Variants in TBC1D19 observed in about 807,000 individuals in gnomAD.
TBC1D19 encodes the protein TBC1 domain family, member 19.
In TBC1D19, 60 loss-of-function variants were observed where a neutral mutation model predicts 89.0. The observed-to-expected ratio is 0.67, with a 90% confidence interval of 0.55 to 0.84. TBC1D19 has a LOEUF of 0.84. Ranked by LOEUF, TBC1D19 falls within the 40% of genes least tolerant of loss-of-function variation. The pLI, the probability that TBC1D19 is intolerant of heterozygous loss-of-function variation, is 0.00. For synonymous variants in TBC1D19, 189 were observed against 199.7 expected (o/e 0.95, Z 0.45); for missense variants, 500 against 610.8 (o/e 0.82, Z 1.91).
At chr4:26,656,634 C>G (rs1329568768) in intron 7 of TBC1D19, among the ~76,000 whole-genome samples, 1 of 151,894 alleles carries the variant, frequency 6.6e-6, no homozygotes, top group Non-Finnish European at 1.5e-5. Context: ...TCTTGGCTCA[C>G]TGTAACCTCC....
intron 17 of TBC1D19, 45 bp from the exon 18 acceptor site, chr4:26,742,463 A>T (rs1271619747): frequency 2.1e-6 from 3 of 1,439,582 alleles, no homozygotes; most frequent in Non-Finnish European, 2.8e-6. Flanking sequence ...TTAATTTTTA[A>T]ATATTAAAAT....
chr4:26,791,116 C>A, the TBC1D19 span, among the ~76,000 whole-genome samples: 2 of 152,124 alleles, frequency 1.3e-5, no homozygotes, highest in Non-Finnish European at 2.9e-5. Context: ...CACACTATCC[C>A]CAGAACAACT....
the TBC1D19 span, among the ~76,000 whole-genome samples, chr4:26,817,223 A>T: frequency 6.6e-6 from 1 of 152,160 alleles, no homozygotes; most frequent in African/African-American, 2.4e-5. Context: ...GGAATCCACA[A>T]CCAAACTGAA....
At chr4:26,757,672 T>C (rs929165772), downstream of TBC1D19, among the ~76,000 whole-genome samples, 1 of 152,226 alleles carries the variant, frequency 6.6e-6, no homozygotes, top group Non-Finnish European at 1.5e-5. Flanking sequence ...CAGCATGTGC[T>C]CTCTTCTCCT....
chr4:26,778,508 T>G, the TBC1D19 span, among the ~76,000 whole-genome samples: 1 of 151,942 alleles, frequency 6.6e-6, no homozygotes, highest in Non-Finnish European at 1.5e-5. Context: ...AAAGATTATA[T>G]AATTTATTCA....
the TBC1D19 span, among the ~76,000 whole-genome samples, chr4:26,827,463 G>C: frequency 1.3e-5 from 2 of 151,868 alleles, no homozygotes; most frequent in African/African-American, 2.4e-5. Context: ...AATTAGTCAG[G>C]CATGGTGGCA....
At chr4:26,847,978 G>A in the TBC1D19 span, among the ~76,000 whole-genome samples, 1 of 152,198 alleles carries the variant, frequency 6.6e-6, no homozygotes, top group East Asian at 1.9e-4. Flanking sequence ...TGCTAATTAT[G>A]CATCCAAGTG....
intron 1 of TBC1D19, among the ~76,000 whole-genome samples, chr4:26,578,450 G>A (rs6857426): frequency 0.051 from 7,705 of 152,094 alleles, 555 homozygotes; most frequent in African/African-American, 0.16. Flanking sequence ...GCCTTCAAGA[G>A]AACTGGAAGA....
At chr4:26,819,654 C>T in the TBC1D19 span, among the ~76,000 whole-genome samples, 1 of 152,176 alleles carries the variant, frequency 6.6e-6, no homozygotes, top group Non-Finnish European at 1.5e-5. Flanking sequence ...TCTTGTTAAC[C>T]TTGAAATCAG....
At chr4:26,608,367 G>A (rs1391033699) in intron 1 of TBC1D19, among the ~76,000 whole-genome samples, 1 of 152,004 alleles carries the variant, frequency 6.6e-6, no homozygotes, top group Non-Finnish European at 1.5e-5. Context: ...ACAAGAAAAG[G>A]CTCATTGTTC....
At chr4:26,626,221 G>T (rs1405318075) in intron 4 of TBC1D19, among the ~76,000 whole-genome samples, 2 of 152,116 alleles carry the variant, frequency 1.3e-5, no homozygotes, top group African/African-American at 4.8e-5. Context: ...AGTTCTGCAG[G>T]AAAGAAACCT....
In TBC1D19 at chr4:26,755,073, C is replaced by A; in HGVS notation, c.*126C>A. ...GCCAATAAAGATCATGTTCCCTCTT[C>A]AGTTAAACCTAAGTAGTTTCTCACT... is the stretch of plus-strand genomic sequence containing the variant. On this transcript the variant is annotated 3_prime_UTR_variant, in exon 21 of 21. Coordinates refer to ENST00000264866, the MANE Select transcript of TBC1D19 (RefSeq NM_018317.4). The A allele has an allele frequency of 1.3e-6, 1 of 755,114 alleles. No homozygotes were observed. The highest frequency in any genetic ancestry group is 2.0e-6 in the Non-Finnish European group (1 of 493,524). 46.8% of individuals were successfully genotyped at this position (755,114 alleles called of 1,614,324 possible).
Position 26,673,818 on chromosome 4 carries a change from G to C in TBC1D19, c.746G>C (p.Arg249Thr). 6.2e-7 allele frequency: 1 copy of C among 1,611,646 alleles called. No individual in the cohort carries two copies. ...QDSAAAQQYIRQGSPTALRAE... is the reference protein window; with the variant it reads ...QDSAAAQQYITQGSPTALRAE... ...AGTGCTGCTGCTCAACAGTACATCA[G>C]ACAAGGAAGTCCCACGGCACTGAGA... The change falls in exon 11 of 21, where the codon AGA (arginine) becomes ACA (threonine). Residue 249 changes from arginine (R) to threonine (T), a missense_variant. Arg to Thr is a moderately conservative substitution (Grantham distance 71). This residue lies in a region of TBC1D19 where 280 missense variants were observed against 291.7 expected (regional missense o/e 0.96). Transcript: ENST00000264866.
intron 19 of TBC1D19, among the ~76,000 whole-genome samples, chr4:26,751,328 C>T (rs1578019061): frequency 1.3e-5 from 2 of 152,116 alleles, no homozygotes; most frequent in Admixed American, 6.6e-5. Flanking sequence ...CCTGCTGGAG[C>T]AGAAAATTTG....
At chr4:26,640,710 G>A (rs1230804418) in intron 7 of TBC1D19, among the ~76,000 whole-genome samples, 1 of 152,164 alleles carries the variant, frequency 6.6e-6, no homozygotes, top group African/African-American at 2.4e-5. Context: ...ACTAAACACT[G>A]CGATTTTCCA....
the TBC1D19 span, among the ~76,000 whole-genome samples, chr4:26,793,070 G>A: frequency 6.6e-6 from 1 of 152,154 alleles, no homozygotes; most frequent in African/African-American, 2.4e-5. Flanking sequence ...ACATCTAACA[G>A]ACAACCAGAA....
intron 4 of TBC1D19, among the ~76,000 whole-genome samples, chr4:26,631,314 A>G (rs1742795279): frequency 6.6e-6 from 1 of 152,022 alleles, no homozygotes. Flanking sequence ...TACAGATCTT[A>G]TGAACTTTTT....
At chr4:26,839,331 CA>C in the TBC1D19 span, among the ~76,000 whole-genome samples, 1 of 152,146 alleles carries the variant, frequency 6.6e-6, no homozygotes, top group African/African-American at 2.4e-5. Flanking sequence ...CCAATTCCAA[CA>C]GTAATAAATA....
At chr4:26,643,945 C>A (rs1299378924) in intron 7 of TBC1D19, among the ~76,000 whole-genome samples, 1 of 151,990 alleles carries the variant, frequency 6.6e-6, no homozygotes, top group Non-Finnish European at 1.5e-5. Context: ...GCCTCCCAAC[C>A]AAAAGAAGTC....
Sources: allele counts gnomAD v4.1 joint callset (sites outside exome capture counted in the v4.1 genomes callset), GRCh38; gene constraint gnomAD v4.1.1; regional missense constraint gnomAD v4.1.1; transcripts MANE v1.5; gene names NCBI Gene and HGNC (gene_info 2026-07-23, HGNC 2026-07-21).